Variants in KIAA1549L observed in about 807,000 individuals in gnomAD.
KIAA1549L encodes the protein KIAA1549 like.
KIAA1549L carries 88 observed loss-of-function variants against 160.7 expected under a neutral mutation model. The ratio of observed to expected loss-of-function variants is 0.55; its 90% confidence interval spans 0.46 to 0.65. The LOEUF is 0.65. Among genes scored for constraint, KIAA1549L ranks in the 30% least tolerant of loss-of-function variants. KIAA1549L has a pLI of 0.00. For missense variants in KIAA1549L, 2,258 were observed against 2,437.5 expected, an observed-to-expected ratio of 0.93 and a Z score of 1.55; for synonymous variants, 950 against 976.7, an observed-to-expected ratio of 0.97 and a Z score of 0.51.
At chr11:33,444,323 C>T (rs1370716299) in intron 1 of KIAA1549L, among the ~76,000 whole-genome samples, 2 of 152,112 alleles carry the variant, frequency 1.3e-5, no homozygotes, top group African/African-American at 4.8e-5. Context: ...AAATCCTATG[C>T]AGCTATATTA....
chr11:33,495,294 A>G (rs1852789568), intron 1 of KIAA1549L, among the ~76,000 whole-genome samples: 1 of 144,872 alleles, frequency 6.9e-6, no homozygotes, highest in Non-Finnish European at 1.5e-5. Flanking sequence ...ACCCCACAAC[A>G]GTCCCCAGAG....
At chr11:33,551,337 C>A in intron 5 of KIAA1549L, 78 bp downstream of exon 5, 3 of 1,209,622 alleles carry the variant, frequency 2.5e-6, no homozygotes, top group Non-Finnish European at 3.6e-6. Context: ...TGTTTAAAAG[C>A]TCCATTGCTA....
At chr11:33,453,160 A>T (rs1851755115) in intron 1 of KIAA1549L, among the ~76,000 whole-genome samples, 1 of 152,244 alleles carries the variant, frequency 6.6e-6, no homozygotes, top group Admixed American at 6.5e-5. Context: ...TGCAGGATGG[A>T]TGAAGAAAAC....
intron 1 of KIAA1549L, among the ~76,000 whole-genome samples, chr11:33,531,030 C>T (rs943840528): frequency 2.0e-5 from 3 of 152,088 alleles, no homozygotes; most frequent in Admixed American, 1.3e-4. Flanking sequence ...TTTCTTGATG[C>T]GGTGGGATGT....
intron 16 of KIAA1549L, among the ~76,000 whole-genome samples, chr11:33,633,822 G>A (rs925434720): frequency 5.9e-5 from 9 of 152,158 alleles, no homozygotes; most frequent in African/African-American, 2.2e-4. Flanking sequence ...CGTGAAGTTA[G>A]GCCAGTTACC....
At chr11:33,514,442 C>T (rs1345579509) in intron 1 of KIAA1549L, among the ~76,000 whole-genome samples, 1 of 152,168 alleles carries the variant, frequency 6.6e-6, no homozygotes, top group Non-Finnish European at 1.5e-5. Flanking sequence ...TTTCCATCAA[C>T]ATTTTCATTT....
In KIAA1549L at chr11:33,543,697, A is replaced by G. The variant is rs1854119353; in HGVS notation, c.2134A>G (p.Ile712Val). The change falls in exon 2 of 21, where the codon ATA becomes GTA. Residue 712 changes from isoleucine to valine, a missense_variant. By Grantham distance (29) the Ile-to-Val change is conservative. Transcript: ENST00000658780. Reference protein sequence around the residue: ...AETGSLSTESIISGLQQQTNY... With the variant: ...AETGSLSTESVISGLQQQTNY... ...AACTGGATCTCTTTCCACAGAATCA[A>G]TAATATCTGGCTTGCAGCAGCAAAC... 1.2e-6 allele frequency: 2 copies of G among 1,614,028 alleles called. No homozygotes were observed. Among genetic ancestry groups the G allele is most frequent in the African/African-American group, 1.3e-5 (1 of 75,072 alleles).
intron 16 of KIAA1549L, among the ~76,000 whole-genome samples, chr11:33,627,937 C>T (rs1851164999): frequency 6.6e-6 from 1 of 151,188 alleles, no homozygotes; most frequent in Non-Finnish European, 1.5e-5. Flanking sequence ...CTATAAATTT[C>T]CCTCTACACA....
intron 1 of KIAA1549L, among the ~76,000 whole-genome samples, chr11:33,463,895 T>G (rs1408329440): frequency 2.0e-5 from 3 of 152,336 alleles, no homozygotes; most frequent in African/African-American, 7.2e-5. Context: ...AATCTCTGTT[T>G]CCATAGTTTT....
intron 1 of KIAA1549L, among the ~76,000 whole-genome samples, chr11:33,436,668 G>A (rs1439160398): frequency 2.6e-5 from 4 of 152,220 alleles, no homozygotes; most frequent in Admixed American, 6.5e-5. Flanking sequence ...GGAAATGGAG[G>A]CATAGAATGG....
chr11:33,582,683 T>C (rs1855681832), intron 10 of KIAA1549L, among the ~76,000 whole-genome samples: 1 of 152,138 alleles, frequency 6.6e-6, no homozygotes. Flanking sequence ...AGTTAATTCA[T>C]CCCAGCCCCC....
chr11:33,513,387 A>G (rs147917585), intron 1 of KIAA1549L, among the ~76,000 whole-genome samples: 41 of 152,200 alleles, frequency 2.7e-4, no homozygotes, highest in African/African-American at 9.2e-4. Context: ...AGTGACACTC[A>G]TATTAGCTGA....
intron 1 of KIAA1549L, among the ~76,000 whole-genome samples, chr11:33,450,191 C>T (rs942956385): frequency 2.0e-5 from 3 of 151,980 alleles, no homozygotes; most frequent in African/African-American, 7.3e-5. Flanking sequence ...TAAGAAAATC[C>T]CCTAATACGC....
chr11:33,560,608 A>T (rs914146216), intron 7 of KIAA1549L, among the ~76,000 whole-genome samples: 3 of 152,230 alleles, frequency 2.0e-5, no homozygotes, highest in East Asian at 3.8e-4. Flanking sequence ...TTGAAGATGC[A>T]GCAGGTTACA....
chr11:33,582,230 T>C (rs1855669101), intron 10 of KIAA1549L, among the ~76,000 whole-genome samples: 1 of 152,210 alleles, frequency 6.6e-6, no homozygotes, highest in African/African-American at 2.4e-5. Context: ...GTACTAATAG[T>C]ATTCTGAGCC....
chr11:33,454,287 A>G (rs1200281114), intron 1 of KIAA1549L, among the ~76,000 whole-genome samples: 2 of 152,208 alleles, frequency 1.3e-5, no homozygotes, highest in Non-Finnish European at 2.9e-5. Flanking sequence ...TAGCACCCCG[A>G]AATTAGCAAA....
rs74775347 is a variant in KIAA1549L at position 33,672,405 on chromosome 11, C to T, written c.*4251C>T. 2 of 152,324 alleles carry T rather than the reference C, an allele frequency of 1.3e-5. No homozygotes were observed. Among genetic ancestry groups the T allele is most frequent in the African/African-American group, 2.4e-5 (1 of 41,448 alleles). The allele number at this position is 152,324 out of a possible 1,614,324, so 9.4% of individuals were successfully genotyped here. A position where few individuals can be genotyped will look rare whatever the true frequency, so the allele number is the denominator to read the frequency against. ...TTCATCTGCCTATGGGTGAGCCACC[C>T]TGGGGTCAGGTGCCTGTCCAATCAC... On this transcript the variant is annotated 3_prime_UTR_variant, in exon 21 of 21. Coordinates refer to ENST00000658780, the MANE Select transcript of KIAA1549L (RefSeq NM_012194.3).
At position 33,568,234 on chromosome 11, in the gene KIAA1549L, G is replaced by A. The variant is rs1171635642; in HGVS notation, c.4230+7G>A. The A allele has an allele frequency of 3.7e-6, 6 of 1,608,442 alleles. No homozygotes were observed. The highest frequency in any genetic ancestry group is 3.4e-5 in the Admixed American group (2 of 59,402). On this transcript the variant is annotated splice_region_variant and intron_variant, in intron 9 of 20. Transcript: ENST00000658780. ...GGGAAGCTACACTGTGCAGGTAGGT[G>A]TATACAGAGCCACTGGGGTTTTCTA...
chr11:33,528,638 A>T (rs183076255), intron 1 of KIAA1549L, among the ~76,000 whole-genome samples: 1 of 152,364 alleles, frequency 6.6e-6, no homozygotes, highest in East Asian at 1.9e-4. Context: ...ACCATGGAAT[A>T]CCACTCAACC....
Sources: gnomAD v4.1 joint callset for allele counts (sites outside exome capture counted in the v4.1 genomes callset) on GRCh38, gnomAD v4.1.1 for gene constraint, MANE v1.5 for transcripts, NCBI Gene and HGNC (gene_info 2026-07-23, HGNC 2026-07-21) for gene names.